The following ETFA variants were observed in gnomAD, a reference collection of about 807,000 sequenced individuals.
The protein encoded by ETFA is electron transfer flavoprotein subunit alpha, mitochondrial.
ETFA carries 22 observed loss-of-function variants against 46.2 expected under a neutral mutation model. The observed-to-expected ratio is 0.48, with a 90% CI of 0.34 to 0.68. ETFA has a LOEUF of 0.68. Among genes scored for constraint, ETFA ranks in the 30% least tolerant of loss-of-function variants. ETFA has a pLI of 0.01. For synonymous variants in ETFA, 131 were observed against 139.9 expected (o/e 0.94, Z 0.45); for missense variants, 345 against 401.1 (o/e 0.86, Z 1.19).
chr15:76,299,177 A>G (rs2039856517), intron 1 of ETFA, among the ~76,000 whole-genome samples: 1 of 152,356 alleles, frequency 6.6e-6, no homozygotes, highest in South Asian at 2.1e-4. Flanking sequence ...ATTCTTAGTC[A>G]TCAGCCTTAC....
chr15:76,303,226 T>G (rs1270389642), intron 1 of ETFA, among the ~76,000 whole-genome samples: 1 of 152,134 alleles, frequency 6.6e-6, no homozygotes, highest in African/African-American at 2.4e-5. Flanking sequence ...GAGAATTGCT[T>G]GAACCCAGGA....
chr15:76,295,640 C>G lies in ETFA; in HGVS notation c.137G>C (p.Arg46Pro). Reference protein sequence around the residue: ...ITLNTITAATRLGGEVSCLVA... With the variant: ...ITLNTITAATPLGGEVSCLVA... ...TAAGCAGGACACTTCACCTCCAAGGCGTGTGGCTGCAGTAATGGTATTTAA... is the reference window on the plus strand; with the variant it reads ...TAAGCAGGACACTTCACCTCCAAGGGGTGTGGCTGCAGTAATGGTATTTAA... Residue 46 changes from arginine (R) to proline (P), a missense_variant, in exon 2 of 12, where the codon CGC becomes CCC. Transcript: ENST00000557943. 1 of 1,613,564 alleles carries G rather than the reference C, an allele frequency of 6.2e-7. No homozygotes were observed. Among genetic ancestry groups the G allele is most frequent in the Non-Finnish European group, 8.5e-7 (1 of 1,179,706 alleles).
chr15:76,227,000 G>C (rs1453423872), intron 10 of ETFA, among the ~76,000 whole-genome samples: 2 of 152,120 alleles, frequency 1.3e-5, no homozygotes, highest in Non-Finnish European at 2.9e-5. Context: ...ACGTTAAACA[G>C]CTTTAAGTCC....
At chr15:76,251,561 T>C (rs1401079615) in intron 9 of ETFA, among the ~76,000 whole-genome samples, 1 of 152,246 alleles carries the variant, frequency 6.6e-6, no homozygotes, top group Non-Finnish European at 1.5e-5. Context: ...CAATTTTCTC[T>C]GGACAGTAGT....
chr15:76,222,726 A>T (rs1019676621), intron 11 of ETFA, among the ~76,000 whole-genome samples: 1 of 152,228 alleles, frequency 6.6e-6, no homozygotes, highest in African/African-American at 2.4e-5. Flanking sequence ...TCTCTCTGGG[A>T]CAGGCAACTT....
rs184652945 is a variant in ETFA, at chr15:76,250,066, C to G, written c.817-18668G>C. Among the ~76,000 whole-genome samples the G allele has an allele frequency of 1.8e-4, 27 of 151,694 alleles. No homozygotes were observed. In the East Asian group the frequency reaches 5.2e-3, roughly 29 times the overall value. ...TCTTCATGGTAACATTATTTGTAAGCAAGAAATTATAACTACTTAAATAAA... is the reference window on the plus strand; with the variant it reads ...TCTTCATGGTAACATTATTTGTAAGGAAGAAATTATAACTACTTAAATAAA... On this transcript the variant is annotated intron_variant, in intron 9 of 11. Transcript: ENST00000557943.
intron 8 of ETFA, among the ~76,000 whole-genome samples, chr15:76,280,397 G>A (rs1053477246): frequency 6.6e-5 from 10 of 152,112 alleles, no homozygotes; most frequent in African/African-American, 1.9e-4. Flanking sequence ...CCAATCTGTC[G>A]GGAAATCCTG....
intron 9 of ETFA, among the ~76,000 whole-genome samples, chr15:76,246,535 TAAG>T (rs564202691): frequency 4.5e-4 from 69 of 152,058 alleles, no homozygotes; most frequent in African/African-American, 1.5e-3. Context: ...GCTAACACAA[TAAG>T]AAAAGAAAAT....
chr15:76,259,594 G>A lies in ETFA; in HGVS notation c.816+14818C>T, dbSNP rs904799401. ...CACACATCACTGTGCACAGTATACAGGTTGTCAGCCAGGCTCTCCAGGGCC... is the reference window on the plus strand; with the variant it reads ...CACACATCACTGTGCACAGTATACAAGTTGTCAGCCAGGCTCTCCAGGGCC... On this transcript the variant is annotated intron_variant, in intron 9 of 11. Transcript: ENST00000557943. 1.1e-5 allele frequency: 12 copies of A among 1,046,086 alleles called. No homozygotes were observed. In the African/African-American group the frequency reaches 1.6e-4, roughly 14 times the overall value. The allele number at this position is 1,046,086 out of a possible 1,614,324, so 64.8% of individuals were successfully genotyped here.
intron 9 of ETFA, chr15:76,258,933 G>T: frequency 8.0e-7 from 1 of 1,243,360 alleles, no homozygotes. Flanking sequence ...TTGTCAGCCA[G>T]CACAGTGGCC....
intron 9 of ETFA, among the ~76,000 whole-genome samples, chr15:76,272,621 T>G (rs1247705731): frequency 6.6e-6 from 1 of 151,998 alleles, no homozygotes; most frequent in Non-Finnish European, 1.5e-5. Context: ...ATTGAAAGAT[T>G]TCCACAAATA....
At chr15:76,274,140 A>G (rs533070371) in intron 9 of ETFA, 3 of 418,984 alleles carry the variant, frequency 7.2e-6, no homozygotes, top group East Asian at 8.9e-5. Flanking sequence ...TGCTGCTTTT[A>G]TCAATGTTTT....
intron 1 of ETFA, among the ~76,000 whole-genome samples, chr15:76,296,127 T>G (rs1166679014): frequency 1.3e-5 from 2 of 151,612 alleles, no homozygotes. Flanking sequence ...TTTTTGTACT[T>G]TCAGTAGAGA....
At chr15:76,281,624 C>T (rs1025887983) in intron 8 of ETFA, among the ~76,000 whole-genome samples, 2 of 151,304 alleles carry the variant, frequency 1.3e-5, no homozygotes, top group African/African-American at 4.9e-5. Flanking sequence ...ACGGGGTTTC[C>T]CCATGTTGGC....
At chr15:76,260,926 G>C (rs1474559924) in intron 9 of ETFA, 1 of 1,611,594 alleles carries the variant, frequency 6.2e-7, no homozygotes, top group Non-Finnish European at 8.5e-7. Flanking sequence ...TGTGTCACCT[G>C]AACTGTACAG....
At chr15:76,282,967 G>C (rs1257861757) in intron 8 of ETFA, among the ~76,000 whole-genome samples, 1 of 151,280 alleles carries the variant, frequency 6.6e-6, no homozygotes, top group Non-Finnish European at 1.5e-5. Flanking sequence ...AAATTTTTTT[G>C]GTTTTTCAAA....
intron 8 of ETFA, among the ~76,000 whole-genome samples, chr15:76,280,313 T>TATTC (rs2039634815): frequency 6.6e-6 from 1 of 152,208 alleles, no homozygotes; most frequent in African/African-American, 2.4e-5. Context: ...TCACTCGAGA[T>TATTC]ATTCCTTATC....
chr15:76,271,916 C>CATATATGCGTATATGTGTGTGTATAT (rs2039537545), intron 9 of ETFA, among the ~76,000 whole-genome samples: 1 of 44,448 alleles, frequency 2.2e-5, no homozygotes, highest in African/African-American at 1.7e-4. Context: ...TGTGTATATA[C>CATATATGCGTATATGTGTGTGTATAT]ACACACACAC....
At chr15:76,250,452 C>A (rs2039286999) in intron 9 of ETFA, among the ~76,000 whole-genome samples, 1 of 151,944 alleles carries the variant, frequency 6.6e-6, no homozygotes, top group Non-Finnish European at 1.5e-5. Flanking sequence ...TGAAAAATCT[C>A]AGCTATATAC....
Sources: gnomAD v4.1 joint callset for allele counts (sites outside exome capture counted in the v4.1 genomes callset) on GRCh38, gnomAD v4.1.1 for gene constraint, MANE v1.5 for transcripts, NCBI Gene and HGNC (gene_info 2026-07-23, HGNC 2026-07-21) for gene names.